Variants in MBNL1 observed in about 807,000 individuals in gnomAD.
MBNL1 encodes muscleblind-like protein 1.
A neutral mutation model predicts 42.2 loss-of-function variants in MBNL1; 8 were observed. The ratio of observed to expected loss-of-function variants is 0.19; its 90% confidence interval spans 0.11 to 0.34. The LOEUF is 0.34. MBNL1 is among the 10% of genes least tolerant of loss of function. The probability of loss-of-function intolerance (pLI) is 1.00; values close to 1 mark genes in which losing one functional copy is unlikely to be tolerated. For missense variants in MBNL1, 309 were observed against 495.3 expected, an observed-to-expected ratio of 0.62 and a Z score of 3.57; for synonymous variants, 169 against 173.9, an observed-to-expected ratio of 0.97 and a Z score of 0.22.
chr3:152,381,530 A>G (rs1027311018), intron 2 of MBNL1, among the ~76,000 whole-genome samples: 4 of 152,088 alleles, frequency 2.6e-5, no homozygotes, highest in African/African-American at 9.6e-5. Flanking sequence ...AAAGCAGAAT[A>G]GATAAATGTG....
chr3:152,342,310 A>G (rs1385673026), intron 2 of MBNL1, among the ~76,000 whole-genome samples: 2 of 152,156 alleles, frequency 1.3e-5, no homozygotes, highest in African/African-American at 2.4e-5. Context: ...TATTTGACCT[A>G]TCCTCTCTCA....
intron 2 of MBNL1, among the ~76,000 whole-genome samples, chr3:152,302,830 T>C (rs1213842761): frequency 1.3e-5 from 2 of 152,154 alleles, no homozygotes; most frequent in Non-Finnish European, 2.9e-5. Flanking sequence ...TCTGAGTTCT[T>C]GAGCCATGAG....
At chr3:152,312,709 A>G (rs897362711) in intron 2 of MBNL1, among the ~76,000 whole-genome samples, 1 of 152,220 alleles carries the variant, frequency 6.6e-6, no homozygotes, top group Non-Finnish European at 1.5e-5. Flanking sequence ...ATCATAGGGA[A>G]AAGTGACTGG....
Position 152,462,576 on chromosome 3 carries a change from T to C in MBNL1, c.*210T>C, listed in dbSNP as rs886335004. Reference sequence around the variant, plus strand: ...TGCACACTGTTGCCTATACACTTTGTACATTTAATTGATATTTGTGCTGAG... The same window carrying C: ...TGCACACTGTTGCCTATACACTTTGCACATTTAATTGATATTTGTGCTGAG... On this transcript the variant is annotated 3_prime_UTR_variant, in exon 10 of 10. Transcript: ENST00000324210. 1 of 152,208 alleles carries C rather than the reference T, an allele frequency of 6.6e-6. No individual in the cohort carries two copies. Among genetic ancestry groups the C allele is most frequent in the Non-Finnish European group, 1.5e-5 (1 of 68,016 alleles). 9.4% of individuals were successfully genotyped at this position (152,208 alleles called of 1,614,324 possible). A position where few individuals can be genotyped will look rare whatever the true frequency, so the allele number is the denominator to read the frequency against.
chr3:152,261,784 T>C (rs2036329538), intron 2 of MBNL1, among the ~76,000 whole-genome samples: 2 of 152,156 alleles, frequency 1.3e-5, no homozygotes, highest in Non-Finnish European at 2.9e-5. Flanking sequence ...TTAAAAGTGT[T>C]TTTCTGATCA....
intron 2 of MBNL1, chr3:152,334,975 A>G: frequency 1.4e-6 from 1 of 690,114 alleles, no homozygotes; most frequent in Non-Finnish European, 2.0e-6. Flanking sequence ...GGTGTAAATA[A>G]GAATGCTTTG....
chr3:152,329,697 A>T (rs994554198), intron 2 of MBNL1, among the ~76,000 whole-genome samples: 7 of 142,814 alleles, frequency 4.9e-5, no homozygotes, highest in Non-Finnish European at 1.1e-4. Context: ...CTTATATATT[A>T]TATATATATA....
At chr3:152,420,774 A>G (rs1291405554) in intron 3 of MBNL1, among the ~76,000 whole-genome samples, 1 of 152,212 alleles carries the variant, frequency 6.6e-6, no homozygotes, top group East Asian at 1.9e-4. Flanking sequence ...TGAGTTTGAC[A>G]AATTGACAGA....
chr3:152,269,242 C>T (rs1350150224), intron 1 of MBNL1, 150 bp downstream of exon 1: 1 of 348,566 alleles, frequency 2.9e-6, no homozygotes, highest in South Asian at 2.1e-5. Flanking sequence ...GTTGGTTTCG[C>T]GTCCCTCAGC....
chr3:152,405,877 T>C (rs2098415348), intron 2 of MBNL1, among the ~76,000 whole-genome samples: 1 of 152,164 alleles, frequency 6.6e-6, no homozygotes, highest in African/African-American at 2.4e-5. Flanking sequence ...GAAAAGTGTC[T>C]GATTTGGATG....
chr3:152,426,564 T>C (rs1580236435), intron 3 of MBNL1, among the ~76,000 whole-genome samples: 1 of 152,206 alleles, frequency 6.6e-6, no homozygotes, highest in Non-Finnish European at 1.5e-5. Context: ...TCAGAAATTC[T>C]GTTGTTGCCA....
intron 3 of MBNL1, among the ~76,000 whole-genome samples, chr3:152,421,532 AAAC>A (rs553461249): frequency 6.6e-6 from 1 of 152,230 alleles, no homozygotes; most frequent in Non-Finnish European, 1.5e-5. Flanking sequence ...CAAACAGTGT[AAAC>A]AAAGCCGCTG....
At chr3:152,358,861 T>C (rs1331478091) in intron 2 of MBNL1, among the ~76,000 whole-genome samples, 1 of 152,090 alleles carries the variant, frequency 6.6e-6, no homozygotes, top group African/African-American at 2.4e-5. Context: ...CTTCCCACCT[T>C]GGCCTCCCAA....
intron 2 of MBNL1, among the ~76,000 whole-genome samples, chr3:152,376,985 A>G (rs918407103): frequency 2.0e-5 from 3 of 152,046 alleles, no homozygotes; most frequent in Non-Finnish European, 2.9e-5. Flanking sequence ...AAAATGTTAC[A>G]TGAAGTTGAG....
intron 9 of MBNL1, among the ~76,000 whole-genome samples, chr3:152,460,625 A>C (rs1250610053): frequency 1.3e-5 from 2 of 149,706 alleles, no homozygotes; most frequent in Admixed American, 6.6e-5. Context: ...AAAAAAAACA[A>C]AAAAAAAAAC....
chr3:152,395,365 G>A (rs918877907), intron 2 of MBNL1, among the ~76,000 whole-genome samples: 1 of 152,064 alleles, frequency 6.6e-6, no homozygotes, highest in Non-Finnish European at 1.5e-5. Context: ...TAAAATGCAG[G>A]CCAACTGTTG....
intron 4 of MBNL1, among the ~76,000 whole-genome samples, chr3:152,439,249 C>A (rs918607689): frequency 6.6e-6 from 1 of 151,962 alleles, no homozygotes; most frequent in Non-Finnish European, 1.5e-5. Flanking sequence ...AAATATAATA[C>A]CCATTGACTA....
chr3:152,416,331 A>G (rs923031346), intron 3 of MBNL1, among the ~76,000 whole-genome samples: 4 of 152,152 alleles, frequency 2.6e-5, no homozygotes, highest in African/African-American at 9.7e-5. Flanking sequence ...TTTTTCCCCT[A>G]TGATTGTAGG....
intron 1 of MBNL1, among the ~76,000 whole-genome samples, chr3:152,294,773 C>CCA (rs1210623083): frequency 6.6e-6 from 1 of 152,008 alleles, no homozygotes; most frequent in Non-Finnish European, 1.5e-5. Context: ...TGGACATTAC[C>CCA]CACATATCTT....
Sources: allele counts gnomAD v4.1 joint callset (sites outside exome capture counted in the v4.1 genomes callset), GRCh38; gene constraint gnomAD v4.1.1; transcripts MANE v1.5; gene names NCBI Gene and HGNC (gene_info 2026-07-23, HGNC 2026-07-21).